SPAG16: variants seen among roughly 807,000 people sequenced by gnomAD.
SPAG16 encodes the protein sperm associated antigen 16.
Under a neutral mutation model 80.4 loss-of-function variants are expected in SPAG16, and 86 were observed. The ratio of observed to expected loss-of-function variants is 1.07; its 90% confidence interval spans 0.90 to 1.28. The LOEUF (loss-of-function observed/expected upper bound fraction) is 1.28. SPAG16 is among the 50% of genes most tolerant of loss of function. The pLI is 0.00. For missense variants in SPAG16, 870 were observed against 765.3 expected (o/e 1.14, Z -1.61); for synonymous variants, 294 against 265.9 (o/e 1.11, Z -1.03).
intron 9 of SPAG16, among the ~76,000 whole-genome samples, chr2:213,478,544 C>A (rs962561550): frequency 6.6e-6 from 1 of 152,212 alleles, no homozygotes; most frequent in South Asian, 2.1e-4. Flanking sequence ...GCTACTATTA[C>A]AAAATTACCA....
intron 7 of SPAG16, among the ~76,000 whole-genome samples, chr2:213,357,541 G>A (rs757976177): frequency 6.6e-6 from 1 of 152,032 alleles, no homozygotes; most frequent in African/African-American, 2.4e-5. Context: ...GATATTTGTT[G>A]GTTTTAAAGT....
chr2:214,331,964 A>G (rs1032395686), intron 15 of SPAG16, among the ~76,000 whole-genome samples: 4 of 152,178 alleles, frequency 2.6e-5, no homozygotes, highest in African/African-American at 9.7e-5. Context: ...TAATAAAACA[A>G]TTTTGGGATG....
intron 12 of SPAG16, among the ~76,000 whole-genome samples, chr2:214,011,526 C>G (rs1032944621): frequency 6.6e-6 from 1 of 152,100 alleles, no homozygotes; most frequent in African/African-American, 2.4e-5. Context: ...CTATGCAACT[C>G]TGTTACTGTA....
At chr2:213,452,432 C>A (rs952575613) in intron 9 of SPAG16, among the ~76,000 whole-genome samples, 1 of 152,236 alleles carries the variant, frequency 6.6e-6, no homozygotes, top group Non-Finnish European at 1.5e-5. Context: ...TCATCAGATT[C>A]TTTATTTTTC....
intron 10 of SPAG16, among the ~76,000 whole-genome samples, chr2:213,848,748 C>T (rs2074752036): frequency 6.6e-6 from 1 of 152,156 alleles, no homozygotes; most frequent in East Asian, 1.9e-4. Context: ...TGCAAGTTAT[C>T]GCCCCTTGCA....
intron 9 of SPAG16, among the ~76,000 whole-genome samples, chr2:213,430,993 A>G (rs1425460856): frequency 6.6e-6 from 1 of 152,214 alleles, no homozygotes; most frequent in Non-Finnish European, 1.5e-5. Context: ...TTCATAAATG[A>G]AAAAGAAATA....
intron 15 of SPAG16, among the ~76,000 whole-genome samples, chr2:214,274,726 G>T (rs1469030618): frequency 6.6e-6 from 1 of 152,080 alleles, no homozygotes; most frequent in East Asian, 1.9e-4. Context: ...TTTTTGCATC[G>T]ATGTTCATCA....
intron 10 of SPAG16, among the ~76,000 whole-genome samples, chr2:213,688,548 G>A (rs571551299): frequency 6.6e-6 from 1 of 152,252 alleles, no homozygotes; most frequent in South Asian, 2.1e-4. Context: ...AGTCAGATTG[G>A]AAAGTAAGTC....
chr2:213,469,682 T>A (rs1175782454), intron 9 of SPAG16, among the ~76,000 whole-genome samples: 1 of 151,190 alleles, frequency 6.6e-6, no homozygotes, highest in Non-Finnish European at 1.5e-5. Flanking sequence ...AGTTTCCCAT[T>A]GACATTAATC....
At chr2:213,944,901 G>C (rs2079374146) in intron 12 of SPAG16, among the ~76,000 whole-genome samples, 1 of 152,020 alleles carries the variant, frequency 6.6e-6, no homozygotes, top group Admixed American at 6.6e-5. Flanking sequence ...AGCCGGGCGT[G>C]GGGGCGTGCA....
At chr2:214,396,266 A>G (rs973242595) in intron 15 of SPAG16, among the ~76,000 whole-genome samples, 4 of 151,860 alleles carry the variant, frequency 2.6e-5, no homozygotes, top group Admixed American at 6.6e-5. Flanking sequence ...GTTTATTTTA[A>G]TAAAGTCCTC....
At chr2:213,416,755 A>C (rs2069280672) in intron 9 of SPAG16, among the ~76,000 whole-genome samples, 1 of 152,238 alleles carries the variant, frequency 6.6e-6, no homozygotes. Flanking sequence ...AAGAGGAGAC[A>C]GAAGAGAGGA....
intron 13 of SPAG16, among the ~76,000 whole-genome samples, chr2:214,024,180 A>G (rs1307013979): frequency 6.6e-6 from 1 of 151,592 alleles, no homozygotes; most frequent in Admixed American, 6.6e-5. Flanking sequence ...TCTGATTTGG[A>G]ATGAATTCTA....
intron 11 of SPAG16, among the ~76,000 whole-genome samples, chr2:213,912,483 T>C (rs1004380696): frequency 1.3e-5 from 2 of 152,198 alleles, no homozygotes; most frequent in Non-Finnish European, 2.9e-5. Context: ...TTTTGTAAAT[T>C]ATATGGCTCT....
chr2:214,254,248 T>A (rs112345778), intron 15 of SPAG16, among the ~76,000 whole-genome samples: 23,944 of 152,102 alleles, frequency 0.16, 2,236 homozygotes, highest in Middle Eastern at 0.24. Context: ...CAATTTGACT[T>A]CCTCTCTTCC....
intron 5 of SPAG16, among the ~76,000 whole-genome samples, chr2:213,320,747 T>G (rs778397405): frequency 6.6e-6 from 1 of 152,086 alleles, no homozygotes; most frequent in Admixed American, 6.6e-5. Flanking sequence ...AGGATTTCAT[T>G]CTTTTTTTAA....
intron 9 of SPAG16, among the ~76,000 whole-genome samples, chr2:213,376,058 A>T (rs1318760327): frequency 6.6e-6 from 1 of 151,350 alleles, no homozygotes; most frequent in Admixed American, 6.6e-5. Flanking sequence ...AATAAAAACT[A>T]ATCACTTTTT....
chr2:213,871,253 G>T (rs192492955), intron 11 of SPAG16, among the ~76,000 whole-genome samples: 1 of 152,096 alleles, frequency 6.6e-6, no homozygotes, highest in Admixed American at 6.6e-5. Flanking sequence ...GAATAAGGAC[G>T]TTCAAAAATA....
intron 10 of SPAG16, among the ~76,000 whole-genome samples, chr2:213,780,575 T>C (rs1034935501): frequency 2.0e-5 from 3 of 148,710 alleles, no homozygotes; most frequent in South Asian, 4.2e-4. Flanking sequence ...TTCTTTCTTT[T>C]TTTTTTTTTT....
Sources: allele counts gnomAD v4.1 joint callset (sites outside exome capture counted in the v4.1 genomes callset), GRCh38; gene constraint gnomAD v4.1.1; transcripts MANE v1.5; gene names NCBI Gene and HGNC (gene_info 2026-07-23, HGNC 2026-07-21).